MICAL2: variants seen among roughly 807,000 people sequenced by gnomAD.
The protein encoded by MICAL2 is [F-actin]-monooxygenase MICAL2.
MICAL2 carries 77 observed loss-of-function variants against 127.3 expected under a neutral mutation model. The observed-to-expected ratio is 0.60, with a 90% confidence interval of 0.50 to 0.73. MICAL2 has a LOEUF of 0.73. MICAL2 is among the 30% of genes least tolerant of loss of function. The pLI, the probability that MICAL2 is intolerant of heterozygous loss-of-function variation, is 0.00. For missense variants in MICAL2, 1,351 were observed against 1,434.4 expected (o/e 0.94, Z 0.94); for synonymous variants, 570 against 551.1 (o/e 1.03, Z -0.48).
At chr11:12,143,385 C>T (rs1721095975) in intron 2 of MICAL2, among the ~76,000 whole-genome samples, 1 of 152,132 alleles carries the variant, frequency 6.6e-6, no homozygotes, top group South Asian at 2.1e-4. Flanking sequence ...AAGGGCTTTG[C>T]AAAATACTTG....
chr11:12,262,730 T>C, intron 27 of MICAL2, 193 bp downstream of exon 27: 1 of 571,536 alleles, frequency 1.7e-6, no homozygotes, highest in South Asian at 2.1e-5. Flanking sequence ...CCTGTGTTCA[T>C]TTCCCATGGA....
chr11:12,251,360 C>T (rs2134592736), intron 22 of MICAL2, among the ~76,000 whole-genome samples: 1 of 152,086 alleles, frequency 6.6e-6, no homozygotes, highest in Non-Finnish European at 1.5e-5. Context: ...ACCCTTGATG[C>T]CCAGGGCAAC....
chr11:12,290,381 A>G (rs1863882059), downstream of MICAL2, among the ~76,000 whole-genome samples: 1 of 152,136 alleles, frequency 6.6e-6, no homozygotes, highest in African/African-American at 2.4e-5. Flanking sequence ...GCTTCCTGTC[A>G]GGAAGTCCCT....
chr11:12,133,181 A>G (rs1851560095), intron 1 of MICAL2, among the ~76,000 whole-genome samples: 1 of 152,160 alleles, frequency 6.6e-6, no homozygotes, highest in Non-Finnish European at 1.5e-5. Flanking sequence ...TCCTGGGTTC[A>G]AGCGGTTCTT....
At chr11:12,246,750 A>C (rs1222128180) in intron 21 of MICAL2, among the ~76,000 whole-genome samples, 1 of 152,094 alleles carries the variant, frequency 6.6e-6, no homozygotes, top group Non-Finnish European at 1.5e-5. Context: ...GGGACTATAG[A>C]TGTGAATCAC....
downstream of MICAL2, among the ~76,000 whole-genome samples, chr11:12,264,923 G>T (rs1438408466): frequency 6.6e-6 from 1 of 152,174 alleles, no homozygotes; most frequent in East Asian, 1.9e-4. Flanking sequence ...GCTCAGTATT[G>T]CTGTACTAGA....
At chr11:12,204,830 A>G (rs1203339724) in intron 4 of MICAL2, among the ~76,000 whole-genome samples, 1 of 152,210 alleles carries the variant, frequency 6.6e-6, no homozygotes, top group African/African-American at 2.4e-5. Flanking sequence ...GCGCATTAAG[A>G]TTTTGTTGGT....
intron 3 of MICAL2, among the ~76,000 whole-genome samples, chr11:12,185,375 C>T (rs1199138475): frequency 1.3e-5 from 2 of 152,074 alleles, no homozygotes; most frequent in Admixed American, 1.3e-4. Context: ...ATTGTGAAGA[C>T]GTATACACAT....
At chr11:12,174,886 C>T (rs1258457817) in intron 3 of MICAL2, among the ~76,000 whole-genome samples, 1 of 152,028 alleles carries the variant, frequency 6.6e-6, no homozygotes, top group Non-Finnish European at 1.5e-5. Context: ...TTTGGGAGGC[C>T]AAGGTGAGTA....
chr11:12,355,591 T>C (rs1384150059), intron 34 of MICAL2, among the ~76,000 whole-genome samples: 1 of 152,214 alleles, frequency 6.6e-6, no homozygotes, highest in East Asian at 1.9e-4. Flanking sequence ...GATCTAATAC[T>C]GCACCTACCT....
At chr11:12,318,584 G>A (rs975864747) in intron 29 of MICAL2, among the ~76,000 whole-genome samples, 3 of 152,190 alleles carry the variant, frequency 2.0e-5, no homozygotes, top group Non-Finnish European at 2.9e-5. Flanking sequence ...GTTAGTTGAC[G>A]TGGAGGTGCT....
chr11:12,152,154 T>C (rs12803889), intron 2 of MICAL2, among the ~76,000 whole-genome samples: 28,946 of 146,168 alleles, frequency 0.2, 3,647 homozygotes, highest in Admixed American at 0.37. Flanking sequence ...AAAAATCAGC[T>C]GGGCCTGGTG....
chr11:12,294,822 C>CTCCTCCTCCTCG (rs1555018692), downstream of MICAL2: 6 of 1,517,428 alleles, frequency 4.0e-6, no homozygotes, highest in Middle Eastern at 4.4e-4. Context: ...CCTCCTCCTC[C>CTCCTCCTCCTCG]TCCTCCTCCT....
In MICAL2 at chr11:12,239,444, C is replaced by G; in HGVS notation, c.2073C>G (p.Asn691Lys). 2 of 1,614,144 alleles carry G rather than the reference C, an allele frequency of 1.2e-6. No homozygotes were observed. Among genetic ancestry groups the G allele is most frequent in the Non-Finnish European group, 1.7e-6 (2 of 1,180,042 alleles). ...CGTTTCAACCTTTGCAGCCTTCAAA[C>G]TTTTCCAGCCGTAGCTTGGGCTCCA... ...KGFTNLDEPS[N>K]FSSRSLGSNQ... The change falls in exon 17 of 28, where the codon AAC becomes AAG. Residue 691 changes from asparagine (N) to lysine (K), a missense_variant. Asn to Lys is a moderately conservative substitution (Grantham distance 94). Coordinates refer to ENST00000683283, the MANE Select transcript of MICAL2 (RefSeq NM_001282663.2).
chr11:12,287,267 G>A (rs1166466156), exon 3 of MICAL2: 1 of 397,154 alleles, frequency 2.5e-6, no homozygotes, highest in African/African-American at 2.1e-5. Context: ...GTATCTCTCT[G>A]GCATGGCCTC....
At chr11:12,299,479 A>G (rs1303706625) in intron 29 of MICAL2, among the ~76,000 whole-genome samples, 2 of 152,214 alleles carry the variant, frequency 1.3e-5, no homozygotes, top group African/African-American at 4.8e-5. Flanking sequence ...TTTTATTTTT[A>G]TAAGACAACT....
rs75155201 is a variant in MICAL2, at chr11:12,111,837, C to G, written c.-149+1111C>G. Among the ~76,000 whole-genome samples, 651 of 152,336 alleles carry G rather than the reference C, an allele frequency of 4.3e-3. 9 individuals carry two copies. Among genetic ancestry groups the G allele is most frequent in the African/African-American group, 0.015 (625 of 41,570 alleles). ...AGGTTCCCTGACACCTGCACTTACTCTGTCCTGCTCCCCCTCCCCAGTGGC... is the reference window on the plus strand; with the variant it reads ...AGGTTCCCTGACACCTGCACTTACTGTGTCCTGCTCCCCCTCCCCAGTGGC... On this transcript the variant is annotated intron_variant, in intron 1 of 27. Transcript: ENST00000683283.
At chr11:12,353,179 A>G (rs955465444) in intron 33 of MICAL2, among the ~76,000 whole-genome samples, 13 of 152,160 alleles carry the variant, frequency 8.5e-5, no homozygotes, top group Admixed American at 1.3e-4. Flanking sequence ...CCCAGCACCT[A>G]TAGGGGTGAT....
At chr11:12,162,702 CACT>C (rs1178938425) in intron 3 of MICAL2, among the ~76,000 whole-genome samples, 1 of 152,226 alleles carries the variant, frequency 6.6e-6, no homozygotes. Flanking sequence ...TCCCTGCTGC[CACT>C]ACTACTACTT....
Sources: allele counts gnomAD v4.1 joint callset (sites outside exome capture counted in the v4.1 genomes callset), GRCh38; gene constraint gnomAD v4.1.1; transcripts MANE v1.5; gene names NCBI Gene and HGNC (gene_info 2026-07-23, HGNC 2026-07-21).